CEP89: variants seen among roughly 807,000 people sequenced by gnomAD.
The protein encoded by CEP89 is centrosomal protein of 89 kDa.
A neutral mutation model predicts 97.6 loss-of-function variants in CEP89; 95 were observed. The ratio of observed to expected loss-of-function variants is 0.97; its 90% confidence interval spans 0.82 to 1.15. The LOEUF (loss-of-function observed/expected upper bound fraction) is 1.15, where lower values mean the gene tolerates loss of function less well. Ranked by LOEUF, CEP89 falls within the 50% of genes most tolerant of loss-of-function variation. The pLI is 0.00. For missense variants in CEP89, 869 were observed against 947.7 expected (o/e 0.92, Z 1.09); for synonymous variants, 354 against 349.1 (o/e 1.01, Z -0.16).
chr19:32,956,712 G>A (rs78272101), intron 3 of CEP89, among the ~76,000 whole-genome samples: 10 of 152,176 alleles, frequency 6.6e-5, no homozygotes, highest in Admixed American at 3.9e-4. Context: ...TAAAATTAAA[G>A]TCCTGACTTT....
intron 10 of CEP89, 57 bp from the exon 11 acceptor site, chr19:32,926,330 A>G: frequency 8.1e-7 from 1 of 1,230,004 alleles, no homozygotes; most frequent in East Asian, 2.3e-5. Flanking sequence ...ACACAACCAG[A>G]AAATTTTTAA....
intron 18 of CEP89, 108 bp downstream of exon 18, chr19:32,881,736 C>T: frequency 9.0e-7 from 1 of 1,107,796 alleles, no homozygotes; most frequent in Non-Finnish European, 1.2e-6. Flanking sequence ...AATGTAGAAA[C>T]AAAATTAAAC....
Position 32,948,943 on chromosome 19 carries a change from G to A in CEP89, c.493-575C>T, listed in dbSNP as rs563167784. 9.2e-5 allele frequency among the ~76,000 whole-genome samples: 14 copies of A among 151,986 alleles called. No individual in the cohort carries two copies. In the South Asian group the frequency reaches 2.1e-3, roughly 23 times the overall value. ...AGGTCTCCTTATGTTGCCCAGGTTC[G>A]TCTCAAACTCCAGGGCCCATGCGAT... On this transcript the variant is annotated intron_variant, in intron 4 of 18. Transcript: ENST00000305768.
chr19:32,901,285 CTT>C lies in CEP89; in HGVS notation c.1691_1692del (p.Lys564SerfsTer7). The C allele has an allele frequency of 6.2e-7, 1 of 1,613,972 alleles. No homozygotes were observed. The highest frequency in any genetic ancestry group is 8.5e-7 in the Non-Finnish European group (1 of 1,179,994). ...LEKNSLTEQN[K>X]ALEAELERAQ... ...GCTCGTTCAAGTTCGGCTTCCAGTGCTTTGTTTTGCTCTGTCAAACTGTTCTT... is the reference window on the plus strand; with the variant it reads ...GCTCGTTCAAGTTCGGCTTCCAGTGCTGTTTTGCTCTGTCAAACTGTTCTT... On this transcript the variant is annotated frameshift_variant, in exon 15 of 19. Coordinates refer to ENST00000305768, the MANE Select transcript of CEP89 (RefSeq NM_032816.5). LOFTEE classifies it high-confidence loss of function.
At chr19:32,920,009 T>G (rs1254402505) in intron 12 of CEP89, among the ~76,000 whole-genome samples, 1 of 152,168 alleles carries the variant, frequency 6.6e-6, no homozygotes, top group Non-Finnish European at 1.5e-5. Flanking sequence ...GTTCACGCCT[T>G]CCTTCCTCCC....
intron 17 of CEP89, among the ~76,000 whole-genome samples, chr19:32,885,949 C>T (rs1458639878): frequency 4.6e-5 from 7 of 152,170 alleles, no homozygotes; most frequent in Admixed American, 1.3e-4. Context: ...CCATAGAATT[C>T]AGACTGCATT....
rs765110361 is a variant in CEP89 at position 32,901,264 on chromosome 19, G to A, written c.1714C>T (p.Arg572Ter). 34 of 1,611,100 alleles carry A rather than the reference G, an allele frequency of 2.1e-5. No individual in the cohort carries two copies. The highest frequency in any genetic ancestry group is 6.6e-5 in the South Asian group (6 of 90,290). Residue 572 changes from arginine (R) to a stop codon, truncating the protein, a stop_gained, in exon 15 of 19, where the codon CGA becomes TGA. Coordinates refer to ENST00000305768, the MANE Select transcript of CEP89 (RefSeq NM_032816.5). LOFTEE classifies it high-confidence loss of function. The part of the protein sequence containing the change: ...QNKALEAELE[R>*]AQKINRKSQK... Reference sequence around the variant, plus strand: ...ACAAACCTATTGATTTTCTGTGCTCGTTCAAGTTCGGCTTCCAGTGCTTTG... The same window carrying A: ...ACAAACCTATTGATTTTCTGTGCTCATTCAAGTTCGGCTTCCAGTGCTTTG...
intron 5 of CEP89, among the ~76,000 whole-genome samples, chr19:32,947,513 T>C: frequency 6.6e-6 from 1 of 152,034 alleles, no homozygotes; most frequent in Non-Finnish European, 1.5e-5. Context: ...TTTTTTGAGA[T>C]GGGGTTTCAC....
At chr19:32,929,029 C>T (rs1308570098) in intron 9 of CEP89, among the ~76,000 whole-genome samples, 2 of 152,134 alleles carry the variant, frequency 1.3e-5, no homozygotes, top group Non-Finnish European at 2.9e-5. Flanking sequence ...AAATCTAGTA[C>T]AGAATCAATG....
At position 32,923,452 on chromosome 19, in the gene CEP89, T is replaced by C. The variant is rs781725050; in HGVS notation, c.1255A>G (p.Thr419Ala). The C allele has an allele frequency of 2.2e-5, 35 of 1,585,670 alleles. No individual in the cohort carries two copies. The highest frequency in any genetic ancestry group is 2.9e-5 in the Non-Finnish European group (33 of 1,156,014). Residue 419 changes from threonine (T) to alanine (A), a missense_variant, in exon 12 of 19, where the codon ACC (threonine) becomes GCC (alanine). Coordinates refer to ENST00000305768, the MANE Select transcript of CEP89 (RefSeq NM_032816.5). Reference protein sequence around the residue: ...HQELNKSSAVTSEEWRQLQTQ... With the variant: ...HQELNKSSAVASEEWRQLQTQ... ...AATGCCACTTGCCATTCCTCACTGG[T>C]AACAGCACTACTCTTATTTAACTCT...
chr19:32,938,454 A>G (rs1314452854), intron 6 of CEP89, among the ~76,000 whole-genome samples: 1 of 152,124 alleles, frequency 6.6e-6, no homozygotes, highest in Non-Finnish European at 1.5e-5. Flanking sequence ...CCCCAAACCT[A>G]GAGGAAAGGG....
intron 14 of CEP89, among the ~76,000 whole-genome samples, chr19:32,902,285 C>T (rs898781387): frequency 6.6e-6 from 1 of 152,060 alleles, no homozygotes; most frequent in African/African-American, 2.4e-5. Flanking sequence ...GGGGCTGCAT[C>T]CTTTACCAGC....
intron 2 of CEP89, among the ~76,000 whole-genome samples, chr19:32,964,580 T>A (rs1482297640): frequency 1.3e-5 from 2 of 152,214 alleles, no homozygotes; most frequent in Non-Finnish European, 2.9e-5. Context: ...ATTCATATAA[T>A]GAAATACTAC....
chr19:32,891,172 C>A (rs944767107), intron 16 of CEP89, among the ~76,000 whole-genome samples: 2 of 152,204 alleles, frequency 1.3e-5, no homozygotes, highest in Admixed American at 1.3e-4. Flanking sequence ...AGCAACCCCA[C>A]CCCCTCCAGC....
chr19:32,899,230 A>T (rs996120755), intron 16 of CEP89, among the ~76,000 whole-genome samples: 3 of 151,776 alleles, frequency 2.0e-5, no homozygotes, highest in African/African-American at 7.3e-5. Flanking sequence ...TCCCACACTC[A>T]AATGAACCTC....
chr19:32,958,551 C>T (rs1323898530), intron 3 of CEP89, among the ~76,000 whole-genome samples: 1 of 151,934 alleles, frequency 6.6e-6, no homozygotes, highest in African/African-American at 2.4e-5. Flanking sequence ...AGGTGGCACA[C>T]GCCTGTAATC....
chr19:32,964,444 T>A (rs973668935), intron 2 of CEP89, among the ~76,000 whole-genome samples: 5 of 152,204 alleles, frequency 3.3e-5, no homozygotes, highest in Admixed American at 6.5e-5. Flanking sequence ...ATTGCTGGGA[T>A]TATAGGCATG....
At chr19:32,892,218 T>C (rs990022490) in intron 16 of CEP89, among the ~76,000 whole-genome samples, 1 of 83,282 alleles carries the variant, frequency 1.2e-5, no homozygotes, top group Admixed American at 9.8e-5. Context: ...TATATATATA[T>C]ATATATATAT....
rs759139017 is a variant in CEP89 at position 32,901,263 on chromosome 19, C to G, written c.1715G>C (p.Arg572Pro). 2.5e-6 allele frequency: 4 copies of G among 1,610,572 alleles called. No individual in the cohort carries two copies. The highest frequency in any genetic ancestry group is 3.4e-6 in the Non-Finnish European group (4 of 1,179,248). ...CACAAACCTATTGATTTTCTGTGCT[C>G]GTTCAAGTTCGGCTTCCAGTGCTTT... ...QNKALEAELE[R>P]AQKINRKSQK... Residue 572 changes from arginine (R) to proline (P), a missense_variant, in exon 15 of 19, where the codon CGA becomes CCA. Transcript: ENST00000305768.
Sources: allele counts gnomAD v4.1 joint callset (sites outside exome capture counted in the v4.1 genomes callset), GRCh38; gene constraint gnomAD v4.1.1; transcripts MANE v1.5; gene names NCBI Gene and HGNC (gene_info 2026-07-23, HGNC 2026-07-21).